The following FOXN1 variants were observed in gnomAD, a reference collection of about 807,000 sequenced individuals.
FOXN1 encodes forkhead box N1.
A neutral mutation model predicts 49.0 loss-of-function variants in FOXN1; 15 were observed. That is an observed-to-expected ratio of 0.31 (90% CI 0.20 to 0.47). FOXN1 has a LOEUF of 0.47. Among genes scored for constraint, FOXN1 ranks in the 20% least tolerant of loss-of-function variants. The probability of loss-of-function intolerance (pLI) is 1.00; values close to 1 mark genes in which losing one functional copy is unlikely to be tolerated. For synonymous variants in FOXN1, 356 were observed against 369.0 expected, an observed-to-expected ratio of 0.96 and a Z score of 0.40; for missense variants, 800 against 842.8, an observed-to-expected ratio of 0.95 and a Z score of 0.63.
intron 3 of FOXN1, 83 bp downstream of exon 3, chr17:28,525,050 C>G: frequency 9.3e-7 from 1 of 1,071,048 alleles, no homozygotes; most frequent in Non-Finnish European, 1.4e-6. Flanking sequence ...CCTCTGAGAC[C>G]AAAGTCCCAC....
chr17:28,525,585 A>G (rs2069748774), intron 3 of FOXN1, among the ~76,000 whole-genome samples: 1 of 152,082 alleles, frequency 6.6e-6, no homozygotes, highest in Non-Finnish European at 1.5e-5. Flanking sequence ...TACCTGTCTC[A>G]TGGGATTGTT....
chr17:28,533,485 A>ACCCCCCCCC (rs3837849), intron 6 of FOXN1, among the ~76,000 whole-genome samples: 1 of 126,380 alleles, frequency 7.9e-6, no homozygotes, highest in Non-Finnish European at 1.7e-5. Context: ...TGGCACGAGC[A>ACCCCCCCCC]CCCCCCCCCA....
chr17:28,522,195 A>G (rs1381257990), intron 1 of FOXN1, among the ~76,000 whole-genome samples: 2 of 152,266 alleles, frequency 1.3e-5, no homozygotes, highest in Non-Finnish European at 2.9e-5. Context: ...TTGTTCTAAT[A>G]GATCAATGAG....
chr17:28,524,885 AGG>A lies in FOXN1; in HGVS notation c.507_508del (p.Glu169AspfsTer13). On this transcript the variant is annotated frameshift_variant, in exon 3 of 9. Transcript: ENST00000579795. LOFTEE classifies it high-confidence loss of function. ...ATCCCAGTGGACGTGGCGGAGGCCG[AGG>A]CCTTCCTGCCTGGCTTCTCAGCAGA... 1.2e-6 allele frequency: 2 copies of A among 1,613,536 alleles called. No individual in the cohort carries two copies. The highest frequency in any genetic ancestry group is 1.7e-6 in the Non-Finnish European group (2 of 1,180,012).
rs2069719358 is a variant in FOXN1, at chr17:28,524,567, T to C, written c.188T>C (p.Leu63Pro). 1 of 1,613,478 alleles carries C rather than the reference T, an allele frequency of 6.2e-7. No individual in the cohort carries two copies. Among genetic ancestry groups the C allele is most frequent in the African/African-American group, 1.3e-5 (1 of 74,914 alleles). ...SDGPPERTPS[L>P]PPHSPRIASP... ...GGCCCTCCAGAGAGGACACCCTCAC[T>C]GCCCCCACACAGCCCCCGCATTGCG... is the stretch of plus-strand genomic sequence containing the variant. The change falls in exon 3 of 9, where the codon CTG (leucine) becomes CCG (proline). Residue 63 changes from leucine (L) to proline (P), a missense_variant. Leu to Pro is a moderately conservative substitution (Grantham distance 98). Transcript: ENST00000579795.
chr17:28,509,513 G>T (rs1490474487), intron 1 of FOXN1, among the ~76,000 whole-genome samples: 5 of 152,172 alleles, frequency 3.3e-5, no homozygotes, highest in African/African-American at 4.8e-5. Context: ...TCCCCGCCAG[G>T]TTCTGGGGTG....
rs1026529723 is a variant in FOXN1, at chr17:28,537,835, G to A, written c.*399G>A. The A allele has an allele frequency of 3.7e-5, 12 of 322,418 alleles. No individual in the cohort carries two copies. Among genetic ancestry groups the A allele is most frequent in the African/African-American group, 2.1e-4 (10 of 46,848 alleles). The allele number at this position is 322,418 out of a possible 1,614,324, so 20.0% of individuals were successfully genotyped here. On this transcript the variant is annotated 3_prime_UTR_variant, in exon 9 of 9. Coordinates refer to ENST00000579795, the MANE Select transcript of FOXN1 (RefSeq NM_001369369.1). ...CTGAGAGCCCGACTTCGTTTCTGGG[G>A]CAACTGAGAGCTGAGCGCTTTGCTT...
chr17:28,512,607 A>G (rs186635204), intron 1 of FOXN1, among the ~76,000 whole-genome samples: 75 of 152,306 alleles, frequency 4.9e-4, no homozygotes, highest in African/African-American at 1.7e-3. Flanking sequence ...CATCTCTAGA[A>G]CCTGGGGAAG....
At chr17:28,515,669 G>T (rs551361124) in intron 1 of FOXN1, among the ~76,000 whole-genome samples, 1 of 150,988 alleles carries the variant, frequency 6.6e-6, no homozygotes, top group African/African-American at 2.4e-5. Context: ...CCTCCACAGG[G>T]TATACAGTTC....
intron 1 of FOXN1, among the ~76,000 whole-genome samples, chr17:28,517,193 G>A (rs1196388404): frequency 2.1e-5 from 3 of 143,428 alleles, no homozygotes; most frequent in Admixed American, 6.8e-5. Context: ...CACCTCCACA[G>A]GATACACACC....
At chr17:28,522,813 G>C (rs1464474695) in intron 1 of FOXN1, among the ~76,000 whole-genome samples, 2 of 151,736 alleles carry the variant, frequency 1.3e-5, no homozygotes, top group Non-Finnish European at 2.9e-5. Flanking sequence ...ACTCCAGCCT[G>C]GGTGACAGAG....
chr17:28,510,345 C>T (rs556879866), intron 1 of FOXN1, among the ~76,000 whole-genome samples: 4 of 151,646 alleles, frequency 2.6e-5, no homozygotes, highest in East Asian at 3.9e-4. Flanking sequence ...CATGCACACA[C>T]GCATACATAT....
chr17:28,511,544 T>C (rs1159086130), intron 1 of FOXN1, among the ~76,000 whole-genome samples: 1 of 152,076 alleles, frequency 6.6e-6, no homozygotes, highest in Non-Finnish European at 1.5e-5. Context: ...CCTGAAATCC[T>C]ACAGGCCTGG....
rs2069709177 is a variant in FOXN1, at chr17:28,524,170, C to T, written c.123+78C>T. 4 of 1,458,350 alleles carry T rather than the reference C, an allele frequency of 2.7e-6. No individual in the cohort carries two copies. The Admixed American group carries it at 6.2e-5, about 23-fold the overall frequency. The allele number at this position is 1,458,350 out of a possible 1,614,324, so 90.3% of individuals were successfully genotyped here. ...GGCAACAAGAAGACCAGTCACCTTA[C>T]CGCCCCCAGGGACCTCCCAGGGCCT... On this transcript the variant is annotated intron_variant, in intron 2 of 8. Transcript: ENST00000579795.
chr17:28,528,425 T>G (rs2069824321), intron 4 of FOXN1, among the ~76,000 whole-genome samples: 2 of 151,750 alleles, frequency 1.3e-5, no homozygotes, highest in African/African-American at 2.4e-5. Context: ...CTCTGCAGTC[T>G]GCACCCCCTC....
chr17:28,514,399 G>A (rs1469364545), intron 1 of FOXN1, among the ~76,000 whole-genome samples: 1 of 152,154 alleles, frequency 6.6e-6, no homozygotes, highest in Non-Finnish European at 1.5e-5. Flanking sequence ...ACTGATGCTG[G>A]GTTAAGAGCC....
In FOXN1 at chr17:28,535,114, A is replaced by G. The variant is rs748095576; in HGVS notation, c.1543A>G (p.Met515Val). The change falls in exon 8 of 9, where the codon ATG becomes GTG. Residue 515 changes from methionine (M) to valine (V), a missense_variant. Met to Val is a conservative substitution (Grantham distance 21). This residue lies in a region of FOXN1 where 344 missense variants were observed against 366.1 expected (regional missense o/e 0.94). Coordinates refer to ENST00000579795, the MANE Select transcript of FOXN1 (RefSeq NM_001369369.1). Reference protein sequence around the residue: ...LLAEPSPARTMHDTLLPDGDL... With the variant: ...LLAEPSPARTVHDTLLPDGDL... ...GGCCGAGCCTTCCCCAGCCAGGACT[A>G]TGCACGACACCCTGCTGCCAGATGG... is the stretch of plus-strand genomic sequence containing the variant. 6.2e-7 allele frequency: 1 copy of G among 1,609,172 alleles called. No homozygotes were observed. Among genetic ancestry groups the G allele is most frequent in the Non-Finnish European group, 8.5e-7 (1 of 1,176,830 alleles).
At chr17:28,524,226 T>G (rs2069710601) in intron 2 of FOXN1, 134 bp downstream of exon 2, 1 of 927,060 alleles carries the variant, frequency 1.1e-6, no homozygotes, top group Non-Finnish European at 1.6e-6. Context: ...AAACAAGTCC[T>G]CAGGGACCCC....
intron 6 of FOXN1, among the ~76,000 whole-genome samples, chr17:28,531,221 G>A (rs1173249132): frequency 3.9e-5 from 6 of 152,220 alleles, no homozygotes; most frequent in Admixed American, 6.5e-5. Flanking sequence ...ATGCTGTGGG[G>A]CTGGAGAAGC....
Sources: gnomAD v4.1 joint callset for allele counts (sites outside exome capture counted in the v4.1 genomes callset) on GRCh38, gnomAD v4.1.1 for gene constraint, gnomAD v4.1.1 regional missense constraint, MANE v1.5 for transcripts, NCBI Gene and HGNC (gene_info 2026-07-23, HGNC 2026-07-21) for gene names.